The following GRK3 variants were observed in gnomAD, a reference collection of about 807,000 sequenced individuals.
The protein encoded by GRK3 is adrenergic, beta, receptor kinase 2.
A neutral mutation model predicts 95.7 loss-of-function variants in GRK3; 54 were observed. That is an observed-to-expected ratio of 0.56 (90% CI 0.45 to 0.71). The LOEUF (loss-of-function observed/expected upper bound fraction) is 0.71. GRK3 is among the 30% of genes least tolerant of loss of function. The pLI, the probability that GRK3 is intolerant of heterozygous loss-of-function variation, is 0.00. For missense variants in GRK3, 649 were observed against 851.2 expected, an observed-to-expected ratio of 0.76 and a Z score of 2.96; for synonymous variants, 281 against 290.8, an observed-to-expected ratio of 0.97 and a Z score of 0.34.
At chr22:25,661,188 C>T (rs868769284) in intron 3 of GRK3, among the ~76,000 whole-genome samples, 12 of 152,138 alleles carry the variant, frequency 7.9e-5, no homozygotes, top group Admixed American at 1.3e-4. Flanking sequence ...GAGAACATTC[C>T]CTATCCTAAC....
chr22:25,679,903 G>C (rs1006371706), intron 9 of GRK3, among the ~76,000 whole-genome samples: 2 of 152,172 alleles, frequency 1.3e-5, no homozygotes, highest in African/African-American at 4.8e-5. Context: ...TTCACCAAAA[G>C]GATCTGAAAA....
At chr22:25,704,246 G>C (rs1465400411) in intron 15 of GRK3, 37 bp downstream of exon 15, 1 of 1,493,272 alleles carries the variant, frequency 6.7e-7, no homozygotes, top group African/African-American at 1.4e-5. Context: ...ATCTTTACCA[G>C]AAGAGCAAAA....
intron 2 of GRK3, among the ~76,000 whole-genome samples, chr22:25,642,854 A>G (rs974828857): frequency 1.3e-5 from 2 of 151,974 alleles, no homozygotes; most frequent in Non-Finnish European, 2.9e-5. Flanking sequence ...TAAATGAAAC[A>G]CTCCACCCTA....
At chr22:25,566,582 A>G (rs1156791851) in intron 1 of GRK3, among the ~76,000 whole-genome samples, 1 of 152,210 alleles carries the variant, frequency 6.6e-6, no homozygotes, top group African/African-American at 2.4e-5. Context: ...AGTGAAAATG[A>G]GGGAAAAGTG....
rs1267044152 is a variant in GRK3, at chr22:25,726,602, CG to C, written c.*4155del. The C allele has an allele frequency of 2.0e-5, 3 of 152,026 alleles. No homozygotes were observed. Among genetic ancestry groups the C allele is most frequent in the Non-Finnish European group, 4.4e-5 (3 of 68,012 alleles). 9.4% of individuals were successfully genotyped at this position (152,026 alleles called of 1,614,324 possible). A position where few individuals can be genotyped will look rare whatever the true frequency, so the allele number is the denominator to read the frequency against. ...TCACAAAGAGAATAGTGGTAGAAAT[CG>C]GGCGAAGGAAGAAAGAAGTTACTGG... On this transcript the variant is annotated 3_prime_UTR_variant, in exon 21 of 21. Coordinates refer to ENST00000324198, the MANE Select transcript of GRK3 (RefSeq NM_005160.4).
chr22:25,579,456 G>T (rs564372964), intron 1 of GRK3, among the ~76,000 whole-genome samples: 1 of 151,752 alleles, frequency 6.6e-6, no homozygotes, highest in Admixed American at 6.6e-5. Context: ...AATGAATGAG[G>T]GGACTTCTTT....
chr22:25,624,038 C>T (rs750026369), intron 2 of GRK3, among the ~76,000 whole-genome samples: 18 of 152,160 alleles, frequency 1.2e-4, no homozygotes, highest in Admixed American at 8.5e-4. Flanking sequence ...GATTGCATTC[C>T]GAAGCTTTCC....
At chr22:25,682,814 T>G (rs1459600628) in intron 9 of GRK3, among the ~76,000 whole-genome samples, 1 of 152,204 alleles carries the variant, frequency 6.6e-6, no homozygotes, top group African/African-American at 2.4e-5. Context: ...TCTAGAAATC[T>G]CTTTGTGCCT....
At chr22:25,708,118 C>T (rs1182826730) in intron 15 of GRK3, among the ~76,000 whole-genome samples, 2 of 152,020 alleles carry the variant, frequency 1.3e-5, no homozygotes, top group East Asian at 1.9e-4. Flanking sequence ...TGTGGTGGCA[C>T]GCACCTGTAT....
chr22:25,687,100 A>G (rs1192897739), intron 10 of GRK3, among the ~76,000 whole-genome samples: 2 of 150,182 alleles, frequency 1.3e-5, no homozygotes, highest in Non-Finnish European at 3.0e-5. Flanking sequence ...GATTATAGGC[A>G]TGAGCCACTG....
intron 1 of GRK3, among the ~76,000 whole-genome samples, chr22:25,574,634 G>A (rs530681876): frequency 1.3e-5 from 2 of 152,320 alleles, no homozygotes; most frequent in Admixed American, 1.3e-4. Flanking sequence ...TAAAAAATAT[G>A]AGGTATTTGG....
chr22:25,685,612 G>T (rs1170587356), intron 10 of GRK3, among the ~76,000 whole-genome samples: 1 of 152,154 alleles, frequency 6.6e-6, no homozygotes, highest in East Asian at 1.9e-4. Context: ...GCCAAAGATA[G>T]AAATGTATTT....
chr22:25,619,070 C>T (rs1442858161), intron 2 of GRK3, among the ~76,000 whole-genome samples: 1 of 152,046 alleles, frequency 6.6e-6, no homozygotes, highest in Non-Finnish European at 1.5e-5. Context: ...ATATTTGGCT[C>T]TTGGTGAGAA....
intron 6 of GRK3, among the ~76,000 whole-genome samples, chr22:25,671,346 A>G (rs2084981252): frequency 6.6e-6 from 1 of 152,226 alleles, no homozygotes; most frequent in Non-Finnish European, 1.5e-5. Flanking sequence ...TCTCAAAGCA[A>G]CAAAAACAAA....
At chr22:25,720,591 C>T (rs1445194074) in intron 19 of GRK3, among the ~76,000 whole-genome samples, 1 of 150,986 alleles carries the variant, frequency 6.6e-6, no homozygotes. Context: ...ATTCTCCTGC[C>T]TCAGCCTCCC....
In GRK3 at chr22:25,726,592, T is replaced by C. The variant is rs2085475962; in HGVS notation, c.*4142T>C. 1 of 152,096 alleles carries C rather than the reference T, an allele frequency of 6.6e-6. No homozygotes were observed. The highest frequency in any genetic ancestry group is 2.4e-5 in the African/African-American group (1 of 41,412). The allele number at this position is 152,096 out of a possible 1,614,324, so 9.4% of individuals were successfully genotyped here. The stretch of plus-strand genomic sequence containing the variant: ...GGGCTGGGTGTCACAAAGAGAATAG[T>C]GGTAGAAATCGGGCGAAGGAAGAAA... On this transcript the variant is annotated 3_prime_UTR_variant, in exon 21 of 21. Transcript: ENST00000324198.
chr22:25,672,393 C>T (rs1402503513), intron 7 of GRK3, 46 bp downstream of exon 7: 2 of 1,027,480 alleles, frequency 1.9e-6, no homozygotes, highest in South Asian at 2.9e-5. Flanking sequence ...TAAAAACTTC[C>T]TCTGGCTTAA....
At position 25,708,901 on chromosome 22, in the gene GRK3, A is replaced by G. The variant is rs1054396938; in HGVS notation, c.1329-997A>G. On this transcript the variant is annotated intron_variant, in intron 15 of 20. Transcript: ENST00000324198. ...GGTCTCGATCTCCTGAACTCAGACA[A>G]TCCACCCACCTTGGCCTCCCAAAGT... Among the ~76,000 whole-genome samples, 23 of 151,994 alleles carry G rather than the reference A, an allele frequency of 1.5e-4. No homozygotes were observed. The East Asian group carries it at 2.3e-3, about 15-fold the overall frequency.
At chr22:25,666,159 G>A (rs2146406223) in intron 5 of GRK3, among the ~76,000 whole-genome samples, 1 of 152,278 alleles carries the variant, frequency 6.6e-6, no homozygotes, top group South Asian at 2.1e-4. Context: ...GTGGCAGCAT[G>A]GTAGATTCTA....
Sources: allele counts gnomAD v4.1 joint callset (sites outside exome capture counted in the v4.1 genomes callset), GRCh38; gene constraint gnomAD v4.1.1; transcripts MANE v1.5; gene names NCBI Gene and HGNC (gene_info 2026-07-23, HGNC 2026-07-21).